Variants in GPA33 observed in about 807,000 individuals in gnomAD.
GPA33 encodes glycoprotein A33, also known as cell surface A33 antigen.
A neutral mutation model predicts 35.6 loss-of-function variants in GPA33; 27 were observed. That is an observed-to-expected ratio of 0.76 (90% CI 0.56 to 1.04). The LOEUF is 1.04. Among genes scored for constraint, GPA33 ranks in the 50% least tolerant of loss-of-function variants. GPA33 has a pLI of 0.00. For synonymous variants in GPA33, 176 were observed against 164.0 expected, an observed-to-expected ratio of 1.07 and a Z score of -0.56; for missense variants, 428 against 411.9, an observed-to-expected ratio of 1.04 and a Z score of -0.34.
Position 167,072,322 on chromosome 1 carries a change from A to G in GPA33, c.198+1063T>C, listed in dbSNP as rs937429923. On this transcript the variant is annotated intron_variant, in intron 2 of 6. Transcript: ENST00000367868. ...TATGAATAGATGCTCTACTTCTTAT[A>G]ATTAAAGAAATGTTAATTTGATGAT... is the stretch of plus-strand genomic sequence containing the variant. Among the ~76,000 whole-genome samples the G allele has an allele frequency of 2.6e-5, 4 of 152,356 alleles. No homozygotes were observed. The South Asian group carries it at 8.3e-4, about 32-fold the overall frequency.
intron 4 of GPA33, among the ~76,000 whole-genome samples, chr1:167,056,111 C>T (rs1020615097): frequency 3.9e-5 from 6 of 152,194 alleles, no homozygotes; most frequent in African/African-American, 1.4e-4. Context: ...AGTAACTCAG[C>T]TTCATTCAAC....
At chr1:167,056,034 C>G (rs1384996948) in intron 4 of GPA33, among the ~76,000 whole-genome samples, 185 bp from the exon 5 acceptor site, 1 of 152,182 alleles carries the variant, frequency 6.6e-6, no homozygotes, top group Admixed American at 6.5e-5. Flanking sequence ...ATGTGAAGTG[C>G]TCAGAATTCA....
Position 167,054,393 on chromosome 1 carries a change from A to G in GPA33, c.901T>C (p.Tyr301His), listed in dbSNP as rs760555302. ...GTGCTCCTCTGCTCTTCTTGCCTGT[A>G]GTCATCCTCCTCCTCCCTCTCTCTG... ...LSREREEEDD[Y>H]RQEEQRSTGR... Residue 301 changes from tyrosine (Y) to histidine (H), a missense_variant, in exon 7 of 7, where the codon TAC (tyrosine) becomes CAC (histidine). Physicochemically the swap from Tyr to His is moderately conservative, Grantham distance 83 (BLOSUM62 2). Transcript: ENST00000367868. The G allele has an allele frequency of 5.6e-6, 9 of 1,613,918 alleles. No individual in the cohort carries two copies. The highest frequency in any genetic ancestry group is 7.6e-6 in the Non-Finnish European group (9 of 1,180,000).
Position 167,073,555 on chromosome 1 carries a change from G to C in GPA33, c.44-16C>G. 1 of 1,610,948 alleles carries C rather than the reference G, an allele frequency of 6.2e-7. No individual in the cohort carries two copies. The highest frequency in any genetic ancestry group is 1.1e-5 in the South Asian group (1 of 90,682). On this transcript the variant is annotated splice_polypyrimidine_tract_variant and intron_variant, in intron 1 of 6. Coordinates refer to ENST00000367868, the MANE Select transcript of GPA33 (RefSeq NM_005814.3). ...GTCACCCTGACTGGAAAGAAAGTAG[G>C]CAGTGGAAGGGAAAAGTAAGCGACA...
At chr1:167,064,553 G>A (rs1343811518) in intron 3 of GPA33, among the ~76,000 whole-genome samples, 2 of 152,228 alleles carry the variant, frequency 1.3e-5, no homozygotes, top group East Asian at 3.9e-4. Flanking sequence ...AACCTGTTCT[G>A]TAAAGGGCCA....
intron 4 of GPA33, among the ~76,000 whole-genome samples, chr1:167,059,930 T>C (rs1442100201): frequency 6.6e-6 from 1 of 152,216 alleles, no homozygotes; most frequent in Non-Finnish European, 1.5e-5. Flanking sequence ...ATCTCTAATG[T>C]TGGAAATTGT....
At chr1:167,085,208 G>A (rs1289258095) in intron 1 of GPA33, among the ~76,000 whole-genome samples, 2 of 152,064 alleles carry the variant, frequency 1.3e-5, no homozygotes, top group Admixed American at 6.5e-5. Flanking sequence ...TGAGGGTGAG[G>A]GACTCTGACA....
intron 1 of GPA33, among the ~76,000 whole-genome samples, chr1:167,087,231 T>C (rs1667070721): frequency 6.7e-6 from 1 of 149,560 alleles, no homozygotes; most frequent in Non-Finnish European, 1.5e-5. Flanking sequence ...TCTCGGATAA[T>C]TGGTCACCAA....
At chr1:167,061,565 G>A (rs1350662679) in intron 4 of GPA33, among the ~76,000 whole-genome samples, 2 of 150,122 alleles carry the variant, frequency 1.3e-5, no homozygotes, top group Non-Finnish European at 1.5e-5. Flanking sequence ...TTTAAGTTAG[G>A]TCGAGTGGAT....
At chr1:167,088,644 C>T (rs35369354) in intron 1 of GPA33, among the ~76,000 whole-genome samples, 22,302 of 152,190 alleles carry the variant, frequency 0.15, 2,065 homozygotes, top group Middle Eastern at 0.24. Flanking sequence ...TGTCCTGCTC[C>T]AGGCAATTCA....
chr1:167,079,243 A>G lies in GPA33; in HGVS notation c.44-5704T>C, dbSNP rs1229840292. 5.3e-5 allele frequency among the ~76,000 whole-genome samples: 8 copies of G among 152,320 alleles called. No individual in the cohort carries two copies. In the East Asian group the frequency reaches 1.5e-3, roughly 29 times the overall value. ...CGTGGTGGCTCACTCCTGTAATCCC[A>G]GCACTTTGGGAGGCTAAGGCGGGCG... On this transcript the variant is annotated intron_variant, in intron 1 of 6. Coordinates refer to ENST00000367868, the MANE Select transcript of GPA33 (RefSeq NM_005814.3).
rs547523706 is a variant in GPA33 at position 167,057,515 on chromosome 1, A to G, written c.572-1666T>C. ...TGTTCAGACATTTCAGGGGCTGCCC[A>G]GCAACCACTAGACGTAATCCTCAGT... On this transcript the variant is annotated intron_variant, in intron 4 of 6. Coordinates refer to ENST00000367868, the MANE Select transcript of GPA33 (RefSeq NM_005814.3). Among the ~76,000 whole-genome samples, 12 of 152,316 alleles carry G rather than the reference A, an allele frequency of 7.9e-5. No individual in the cohort carries two copies. The East Asian group carries it at 2.3e-3, about 29-fold the overall frequency.
chr1:167,060,785 C>T (rs984676180), intron 4 of GPA33, among the ~76,000 whole-genome samples: 4 of 152,158 alleles, frequency 2.6e-5, no homozygotes, highest in East Asian at 1.9e-4. Context: ...ACCTCCCTAG[C>T]GTAACGCACA....
chr1:167,083,662 G>C (rs1274253984), intron 1 of GPA33, among the ~76,000 whole-genome samples: 1 of 152,224 alleles, frequency 6.6e-6, no homozygotes, highest in Non-Finnish European at 1.5e-5. Flanking sequence ...GGATATAACA[G>C]AGAGGGTGCC....
At position 167,055,884 on chromosome 1, in the gene GPA33, A is replaced by T. The variant is rs1372413254; in HGVS notation, c.572-35T>A. The T allele has an allele frequency of 7.4e-6, 12 of 1,612,344 alleles. No homozygotes were observed. The East Asian group carries it at 2.5e-4, about 33-fold the overall frequency. ...AAGAAGAGTCAGGGTGAAGAGAGGC[A>T]CTACAGTGGAGTGGAGACAGCCAGG... On this transcript the variant is annotated intron_variant, in intron 4 of 6. Transcript: ENST00000367868.
intron 4 of GPA33, among the ~76,000 whole-genome samples, chr1:167,056,208 T>C (rs1173029786): frequency 2.0e-5 from 3 of 152,168 alleles, no homozygotes; most frequent in African/African-American, 7.2e-5. Context: ...ATAATAAATA[T>C]AAGCCCACAA....
rs1030453826 is a variant in GPA33, at chr1:167,073,322, C to A, written c.198+63G>T. 3.5e-6 allele frequency: 5 copies of A among 1,408,556 alleles called. No homozygotes were observed. In the South Asian group the frequency reaches 4.9e-5, roughly 14 times the overall value. The allele number at this position is 1,408,556 out of a possible 1,614,324, so 87.3% of individuals were successfully genotyped here. On this transcript the variant is annotated intron_variant, in intron 2 of 6. Transcript: ENST00000367868. ...GGAAAGACTTCATAGTGCTTGCCTT[C>A]TAAGAGGTCCTGGTCAGGTGATAAT...
intron 6 of GPA33, 26 bp from the exon 7 acceptor site, chr1:167,054,492 G>A (rs1423646099): frequency 6.2e-7 from 1 of 1,613,828 alleles, no homozygotes; most frequent in Non-Finnish European, 8.5e-7. Flanking sequence ...GGACAGAGGG[G>A]AAGGATTTGC....
At chr1:167,068,888 T>C in intron 3 of GPA33, 34 bp downstream of exon 3, 1 of 1,555,774 alleles carries the variant, frequency 6.4e-7, no homozygotes, top group Non-Finnish European at 8.9e-7. Flanking sequence ...CCCACCCTCT[T>C]CCTACAACTC....
Sources: allele counts gnomAD v4.1 joint callset (sites outside exome capture counted in the v4.1 genomes callset), GRCh38; gene constraint gnomAD v4.1.1; transcripts MANE v1.5; gene names NCBI Gene and HGNC (gene_info 2026-07-23, HGNC 2026-07-21).